NRXN1: variants seen among roughly 807,000 people sequenced by gnomAD.
NRXN1 encodes the protein neurexin-1.
NRXN1 carries 39 observed loss-of-function variants against 150.9 expected under a neutral mutation model. The observed-to-expected ratio is 0.26, with a 90% confidence interval of 0.20 to 0.34. The LOEUF (loss-of-function observed/expected upper bound fraction) is 0.34, where lower values mean the gene tolerates loss of function less well. NRXN1 is among the 10% of genes least tolerant of loss of function. The probability of loss-of-function intolerance (pLI) is 1.00; values close to 1 mark genes in which losing one functional copy is unlikely to be tolerated. For synonymous variants in NRXN1, 924 were observed against 757.0 expected (o/e 1.22, Z -3.62); for missense variants, 1,815 against 1,949.9 (o/e 0.93, Z 1.30).
intron 5 of NRXN1, among the ~76,000 whole-genome samples, chr2:50,788,634 A>AGGCCCTTTCGAG (rs1443915073): frequency 2.2e-4 from 34 of 152,084 alleles, no homozygotes; most frequent in Admixed American, 6.6e-4. Context: ...AGAGAGAGAC[A>AGGCCCTTTCGAG]GAAACCCTTT....
intron 21 of NRXN1, among the ~76,000 whole-genome samples, chr2:49,981,555 C>A (rs185422592): frequency 6.6e-6 from 1 of 151,996 alleles, no homozygotes; most frequent in Non-Finnish European, 1.5e-5. Context: ...CCACTTTTCC[C>A]GCTCTTGATA....
At chr2:50,672,074 T>A (rs1688934346) in intron 5 of NRXN1, among the ~76,000 whole-genome samples, 1 of 151,970 alleles carries the variant, frequency 6.6e-6, no homozygotes, top group Non-Finnish European at 1.5e-5. Context: ...TGGTGACCCA[T>A]AATATTTAAC....
chr2:50,686,270 T>C (rs2104838965), intron 5 of NRXN1, among the ~76,000 whole-genome samples: 1 of 152,298 alleles, frequency 6.6e-6, no homozygotes, highest in African/African-American at 2.4e-5. Flanking sequence ...ATGAAGTTAT[T>C]ATCCACATTT....
At chr2:50,043,647 G>A (rs1313407061) in intron 21 of NRXN1, among the ~76,000 whole-genome samples, 1 of 152,158 alleles carries the variant, frequency 6.6e-6, no homozygotes, top group African/African-American at 2.4e-5. Flanking sequence ...CTGATGCAAA[G>A]GTAAGCTTGG....
chr2:50,216,390 T>C (rs922025925), intron 18 of NRXN1, among the ~76,000 whole-genome samples: 8 of 152,084 alleles, frequency 5.3e-5, no homozygotes, highest in African/African-American at 1.9e-4. Context: ...GGGTTCAATT[T>C]AAGATATTTG....
chr2:50,980,329 T>C (rs74800026), intron 2 of NRXN1, among the ~76,000 whole-genome samples: 386 of 152,222 alleles, frequency 2.5e-3, no homozygotes, highest in Middle Eastern at 6.8e-3. Context: ...TAATAGTTTC[T>C]ACTTTTGTTG....
At chr2:49,931,885 T>C (rs1670189724) in intron 22 of NRXN1, among the ~76,000 whole-genome samples, 1 of 152,194 alleles carries the variant, frequency 6.6e-6, no homozygotes, top group South Asian at 2.1e-4. Flanking sequence ...AAATCACTTT[T>C]CTTAAGATCC....
intron 21 of NRXN1, among the ~76,000 whole-genome samples, chr2:50,008,782 T>C (rs939689988): frequency 6.6e-6 from 1 of 152,168 alleles, no homozygotes; most frequent in Non-Finnish European, 1.5e-5. Context: ...GTTTTCTTTC[T>C]GATCTGCTAA....
chr2:50,577,202 T>C (rs1671566906), intron 8 of NRXN1, among the ~76,000 whole-genome samples: 1 of 152,144 alleles, frequency 6.6e-6, no homozygotes, highest in Non-Finnish European at 1.5e-5. Flanking sequence ...TCTGAAACTA[T>C]TATGGGGACG....
intron 5 of NRXN1, among the ~76,000 whole-genome samples, chr2:50,676,597 A>G (rs1286473172): frequency 6.6e-6 from 1 of 152,294 alleles, no homozygotes; most frequent in African/African-American, 2.4e-5. Context: ...TAATACATAC[A>G]AACTGCTTCA....
intron 5 of NRXN1, among the ~76,000 whole-genome samples, chr2:50,722,357 G>A (rs1696775379): frequency 6.6e-6 from 1 of 152,004 alleles, no homozygotes; most frequent in African/African-American, 2.4e-5. Flanking sequence ...GATCATAAAG[G>A]AAGAAGTAAT....
chr2:50,621,722 A>G (rs1015546010), intron 6 of NRXN1, among the ~76,000 whole-genome samples: 18 of 152,080 alleles, frequency 1.2e-4, no homozygotes, highest in South Asian at 4.1e-4. Context: ...GCATTGCCCT[A>G]CTACTCAATT....
intron 5 of NRXN1, among the ~76,000 whole-genome samples, chr2:50,741,093 G>T (rs971393560): frequency 1.3e-5 from 2 of 151,958 alleles, no homozygotes; most frequent in Non-Finnish European, 2.9e-5. Flanking sequence ...CCTGCATAAA[G>T]CTGACACATA....
intron 5 of NRXN1, among the ~76,000 whole-genome samples, chr2:50,683,646 A>AATAT (rs71225142): frequency 1.0e-3 from 15 of 14,888 alleles, no homozygotes; most frequent in South Asian, 6.2e-3. Context: ...AAAAAAAAAA[A>AATAT]ATATATATAT....
rs529501747 is a variant in NRXN1, at chr2:50,692,834, T to C, written c.833-69219A>G. 5.8e-4 allele frequency among the ~76,000 whole-genome samples: 88 copies of C among 152,260 alleles called. 2 individuals are homozygous for C. In the South Asian group the frequency reaches 6.2e-3, roughly 11 times the overall value. On this transcript the variant is annotated intron_variant, in intron 5 of 22. Transcript: ENST00000401669. ...CAACAGGAAAGCACCCCATCAATCA[T>C]TGTTTCTTCATCTATCAGTCAAAAT...
chr2:50,877,704 T>C (rs150996942), intron 5 of NRXN1, among the ~76,000 whole-genome samples: 5 of 152,064 alleles, frequency 3.3e-5, no homozygotes, highest in African/African-American at 1.2e-4. Flanking sequence ...AATATGCATG[T>C]GAAGAGTTAG....
chr2:50,954,116 T>G (rs769057177), intron 2 of NRXN1, among the ~76,000 whole-genome samples: 5 of 152,316 alleles, frequency 3.3e-5, no homozygotes, highest in Non-Finnish European at 5.9e-5. Context: ...TAATCACTAC[T>G]TCCTCTCTCT....
intron 5 of NRXN1, among the ~76,000 whole-genome samples, chr2:50,827,854 T>G (rs1168613517): frequency 1.3e-5 from 2 of 149,946 alleles, no homozygotes; most frequent in Admixed American, 1.3e-4. Flanking sequence ...AAGCACATCT[T>G]GCACCGCCCT....
At chr2:50,263,972 T>A (rs564134851) in intron 17 of NRXN1, among the ~76,000 whole-genome samples, 1 of 152,188 alleles carries the variant, frequency 6.6e-6, no homozygotes, top group South Asian at 2.1e-4. Context: ...CTTTCATCAT[T>A]CTCAAGTTCA....
Sources: gnomAD v4.1 joint callset for allele counts (sites outside exome capture counted in the v4.1 genomes callset) on GRCh38, gnomAD v4.1.1 for gene constraint, MANE v1.5 for transcripts, NCBI Gene and HGNC (gene_info 2026-07-23, HGNC 2026-07-21) for gene names.